PRKN: variants seen among roughly 807,000 people sequenced by gnomAD.
The protein encoded by PRKN is E3 ubiquitin-protein ligase parkin.
Under a neutral mutation model 59.5 loss-of-function variants are expected in PRKN, and 56 were observed. The observed-to-expected ratio is 0.94, with a 90% CI of 0.76 to 1.18. PRKN has a LOEUF of 1.18. PRKN is among the 50% of genes most tolerant of loss of function. PRKN has a pLI of 0.00. For missense variants in PRKN, 657 were observed against 596.4 expected, an observed-to-expected ratio of 1.10 and a Z score of -1.06; for synonymous variants, 250 against 222.1, an observed-to-expected ratio of 1.13 and a Z score of -1.12.
At chr6:162,508,565 T>C (rs951987696) in intron 1 of PRKN, among the ~76,000 whole-genome samples, 2 of 152,188 alleles carry the variant, frequency 1.3e-5, no homozygotes, top group Non-Finnish European at 2.9e-5. Flanking sequence ...CATTTCATTT[T>C]CTGAGAGGCA....
At chr6:162,406,566 C>T (rs988749925) in intron 2 of PRKN, among the ~76,000 whole-genome samples, 5 of 152,160 alleles carry the variant, frequency 3.3e-5, no homozygotes, top group Admixed American at 3.3e-4. Context: ...TTATTGACCT[C>T]GTTGTGTCTT....
intron 6 of PRKN, among the ~76,000 whole-genome samples, chr6:161,926,681 A>G (rs1438456368): frequency 6.6e-6 from 1 of 152,142 alleles, no homozygotes; most frequent in East Asian, 1.9e-4. Context: ...TAATCTAGTG[A>G]GTTTTAGGTC....
At position 161,582,413 on chromosome 6, in the gene PRKN, CTATTAT is replaced by C. The variant is rs3032927; in HGVS notation, c.872-13003_872-12998del. Among the ~76,000 whole-genome samples the C allele has an allele frequency of 4.7e-4, 68 of 146,224 alleles. 1 individual carries two copies. The highest frequency in any genetic ancestry group is 3.6e-3 in the Middle Eastern group (1 of 278). ...AACTAGGAAAGACTGCATCTGCAGA[CTATTAT>C]TATTATTATTATTATTATTATTTTT... is the stretch of plus-strand genomic sequence containing the variant. On this transcript the variant is annotated intron_variant, in intron 7 of 11. Coordinates refer to ENST00000366898, the MANE Select transcript of PRKN (RefSeq NM_004562.3). This position sits in a 1 kb window ranked among gnomAD's most constrained non-coding sequence, Gnocchi z 4.4.
intron 2 of PRKN, among the ~76,000 whole-genome samples, chr6:162,313,274 C>G (rs955338827): frequency 2.0e-5 from 3 of 152,052 alleles, no homozygotes; most frequent in Non-Finnish European, 2.9e-5. Flanking sequence ...TCAATCTCCC[C>G]CTTAACCCAG....
chr6:162,314,993 T>C, intron 2 of PRKN, among the ~76,000 whole-genome samples: 1 of 152,180 alleles, frequency 6.6e-6, no homozygotes, highest in East Asian at 1.9e-4. Context: ...CAGGGTTTCA[T>C]GTGGTAATAT....
At position 161,376,785 on chromosome 6, in the gene PRKN, C is replaced by A. The variant is rs1673606250; in HGVS notation, c.1167+10009G>T. ...CTCCACCTCTGCCCAACCCTGCTTCCTTCTCTTCCTGAAGGTGCTGTTGAG... is the reference window on the plus strand; with the variant it reads ...CTCCACCTCTGCCCAACCCTGCTTCATTCTCTTCCTGAAGGTGCTGTTGAG... On this transcript the variant is annotated intron_variant, in intron 10 of 11. Transcript: ENST00000366898. This position sits in a 1 kb window ranked among gnomAD's most constrained non-coding sequence, Gnocchi z 7.3. 6.6e-6 allele frequency among the ~76,000 whole-genome samples: 1 copy of A among 152,238 alleles called. No individual in the cohort carries two copies. The highest frequency in any genetic ancestry group is 1.5e-5 in the Non-Finnish European group (1 of 68,038).
At chr6:161,514,848 C>A (rs896665920) in intron 9 of PRKN, among the ~76,000 whole-genome samples, 2 of 152,110 alleles carry the variant, frequency 1.3e-5, no homozygotes, top group African/African-American at 4.8e-5. Context: ...AAGTCCAGAG[C>A]GGCAAGCTCC....
intron 2 of PRKN, among the ~76,000 whole-genome samples, chr6:162,366,659 A>G (rs1311098389): frequency 6.6e-6 from 1 of 152,100 alleles, no homozygotes; most frequent in East Asian, 1.9e-4. Flanking sequence ...TAATCCCAGC[A>G]CTTTGGGAGG....
chr6:162,036,279 ACG>A (rs1562475872), intron 5 of PRKN, among the ~76,000 whole-genome samples: 2 of 151,688 alleles, frequency 1.3e-5, no homozygotes, highest in Non-Finnish European at 2.9e-5. Flanking sequence ...AGCCGAGATC[ACG>A]CCACTGCACT....
At position 161,461,332 on chromosome 6, in the gene PRKN, G is replaced by A. The variant is rs576290666; in HGVS notation, c.1084-74455C>T. ...GGGATGGTGGAGAGGGAGGGTAGGTGGAAGATGAGGCCAGAGGGTCCAGAA... is the reference window on the plus strand; with the variant it reads ...GGGATGGTGGAGAGGGAGGGTAGGTAGAAGATGAGGCCAGAGGGTCCAGAA... On this transcript the variant is annotated intron_variant, in intron 9 of 11. Coordinates refer to ENST00000366898, the MANE Select transcript of PRKN (RefSeq NM_004562.3). This position sits in a 1 kb window ranked among gnomAD's most constrained non-coding sequence, Gnocchi z 5.1. Among the ~76,000 whole-genome samples the A allele has an allele frequency of 3.5e-4, 53 of 152,274 alleles. No homozygotes were observed. The highest frequency in any genetic ancestry group is 1.3e-3 in the African/African-American group (52 of 41,554).
At chr6:161,416,228 C>CTGG (rs1787843603) in intron 9 of PRKN, among the ~76,000 whole-genome samples, 1 of 152,130 alleles carries the variant, frequency 6.6e-6, no homozygotes, top group Non-Finnish European at 1.5e-5. Context: ...ACCAGTGGCC[C>CTGG]TCAGAGCTAA....
At chr6:162,625,183 C>T (rs779634106) in intron 1 of PRKN, among the ~76,000 whole-genome samples, 12 of 152,144 alleles carry the variant, frequency 7.9e-5, no homozygotes, top group South Asian at 2.1e-4. Context: ...CAACTTCAGC[C>T]GTGCCACTGC....
At chr6:162,355,200 TTTAA>T (rs1784799111) in intron 2 of PRKN, among the ~76,000 whole-genome samples, 1 of 151,746 alleles carries the variant, frequency 6.6e-6, no homozygotes, top group Non-Finnish European at 1.5e-5. Flanking sequence ...TTATTTACAA[TTTAA>T]TTATAGGTGT....
At chr6:161,380,319 C>T (rs534910862) in intron 10 of PRKN, among the ~76,000 whole-genome samples, 2 of 152,212 alleles carry the variant, frequency 1.3e-5, no homozygotes, top group South Asian at 2.1e-4. Flanking sequence ...AACACTCTCT[C>T]GTGCCTCTTA....
chr6:162,606,163 T>C (rs1283623291), intron 1 of PRKN, among the ~76,000 whole-genome samples: 4 of 152,208 alleles, frequency 2.6e-5, no homozygotes, highest in Non-Finnish European at 5.9e-5. Context: ...TATCATCTTT[T>C]GCCTCTCACT....
intron 6 of PRKN, among the ~76,000 whole-genome samples, chr6:161,815,784 G>T (rs1791752080): frequency 1.3e-5 from 2 of 152,130 alleles, no homozygotes; most frequent in African/African-American, 4.8e-5. Context: ...GGGGGAAGAC[G>T]GGGCAGCTGG....
At chr6:161,911,616 G>A (rs1778364298) in intron 6 of PRKN, among the ~76,000 whole-genome samples, 2 of 152,048 alleles carry the variant, frequency 1.3e-5, no homozygotes, top group African/African-American at 4.8e-5. Flanking sequence ...ACATATCTTG[G>A]TGTTATTGTC....
In PRKN at chr6:161,402,019, T is replaced by C. The variant is rs553607054; in HGVS notation, c.1084-15142A>G. On this transcript the variant is annotated intron_variant, in intron 9 of 11. Coordinates refer to ENST00000366898, the MANE Select transcript of PRKN (RefSeq NM_004562.3). This position sits in a 1 kb window ranked among gnomAD's most constrained non-coding sequence, Gnocchi z 4.5. The stretch of plus-strand genomic sequence containing the variant: ...AATGGTGAGAGCATTTCCCACATTA[T>C]CCTCTCGATATGCATCTCTGCCATG... Among the ~76,000 whole-genome samples, 4 of 152,248 alleles carry C rather than the reference T, an allele frequency of 2.6e-5. No individual in the cohort carries two copies. In the South Asian group the frequency reaches 8.3e-4, roughly 32 times the overall value.
At position 162,604,311 on chromosome 6, in the gene PRKN, G is replaced by A. The variant is rs376226645; in HGVS notation, c.7+123351C>T. Among the ~76,000 whole-genome samples, 108 of 152,298 alleles carry A rather than the reference G, an allele frequency of 7.1e-4. No individual in the cohort carries two copies. The East Asian group carries it at 0.01, about 14-fold the overall frequency. ...CTTGGGTATTCTCTGAGGCACCTGT[G>A]GTAATCCTTATTTGTTTCGCAGCCT... On this transcript the variant is annotated intron_variant, in intron 1 of 11. Transcript: ENST00000366898.
Sources: allele counts gnomAD v4.1 joint callset (sites outside exome capture counted in the v4.1 genomes callset), GRCh38; gene constraint gnomAD v4.1.1; non-coding constraint Gnocchi (gnomAD v3.1); transcripts MANE v1.5; gene names NCBI Gene and HGNC (gene_info 2026-07-23, HGNC 2026-07-21).